Variants in ZNF675 observed in about 807,000 individuals in gnomAD.
ZNF675 encodes zinc finger protein 675.
ZNF675 carries 36 observed loss-of-function variants against 56.1 expected under a neutral mutation model. The observed-to-expected ratio is 0.64, with a 90% CI of 0.49 to 0.85. The LOEUF is 0.85. Among genes scored for constraint, ZNF675 ranks in the 40% least tolerant of loss-of-function variants. ZNF675 has a pLI of 0.00. For missense variants in ZNF675, 663 were observed against 654.2 expected (o/e 1.01, Z -0.15); for synonymous variants, 200 against 218.9 (o/e 0.91, Z 0.76).
intron 3 of ZNF675, 110 bp from the exon 4 acceptor site, chr19:23,654,816 A>T: frequency 2.2e-6 from 2 of 900,946 alleles, no homozygotes. Context: ...ACCACAGGCC[A>T]TAATTAAGTG....
chr19:23,658,889 A>C (rs571272407), intron 3 of ZNF675, among the ~76,000 whole-genome samples: 6 of 4,578 alleles, frequency 1.3e-3, no homozygotes, highest in East Asian at 0.029. Flanking sequence ...CTATAGATAT[A>C]GATCTATAGA....
chr19:23,674,351 T>G (rs1022489807), intron 1 of ZNF675, among the ~76,000 whole-genome samples: 2 of 151,408 alleles, frequency 1.3e-5, no homozygotes, highest in African/African-American at 4.9e-5. Flanking sequence ...CTTAAAGAAG[T>G]GAGAGATGGG....
rs1367142560 is a variant in ZNF675 at position 23,658,968 on chromosome 19, GATAT to G, written c.226+3142_226+3145del. Among the ~76,000 whole-genome samples the G allele has an allele frequency of 2.8e-4, 23 of 82,966 alleles. 1 individual carries two copies. The highest frequency in any genetic ancestry group is 3.7e-4 in the Admixed American group (3 of 8,036). 54.4% of individuals were successfully genotyped at this position (82,966 alleles called of 152,430 possible). A position where few individuals can be genotyped will look rare whatever the true frequency, so the allele number is the denominator to read the frequency against. The stretch of plus-strand genomic sequence containing the variant: ...ATAGATCTCTAGAGATCTATAGATA[GATAT>G]AGATCTAGAGATAGAGATCGAGATC... On this transcript the variant is annotated intron_variant, in intron 3 of 3. Coordinates refer to ENST00000359788, the MANE Select transcript of ZNF675 (RefSeq NM_138330.3).
In ZNF675 at chr19:23,653,606, T is replaced by C. The variant is rs1967939663; in HGVS notation, c.1327A>G (p.Lys443Glu). The C allele has an allele frequency of 6.2e-7, 1 of 1,612,964 alleles. No homozygotes were observed. Among genetic ancestry groups the C allele is most frequent in the Non-Finnish European group, 8.5e-7 (1 of 1,179,524 alleles). ...FNRSSKLTEH[K>E]KLHTGKKPYK... The stretch of plus-strand genomic sequence containing the variant: ...GGTTTCTTTCCAGTATGAAGTTTCT[T>C]ATGTTCAGTAAGTTTTGAGGATCGG... The change falls in exon 4 of 4, where the codon AAG (lysine) becomes GAG (glutamate). Residue 443 changes from lysine (K) to glutamate (E), a missense_variant. Lys to Glu is a moderately conservative substitution (Grantham distance 56). Around this residue, in one of 3 missense-constraint regions of ZNF675, gnomAD observed 617 missense variants for 590.5 expected, o/e 1.04. Transcript: ENST00000359788.
intron 3 of ZNF675, among the ~76,000 whole-genome samples, chr19:23,658,900 T>TCTATAAATATAG (rs1568289191): frequency 4.1e-5 from 1 of 24,166 alleles, no homozygotes; most frequent in African/African-American, 9.0e-5. Flanking sequence ...GATCTATAGA[T>TCTATAAATATAG]ATCTATAGAT....
chr19:23,655,146 A>G (rs1967966681), intron 3 of ZNF675: 1 of 152,880 alleles, frequency 6.5e-6, no homozygotes, highest in Admixed American at 6.5e-5. Context: ...CTAAGGCAGG[A>G]GAACTGCTTG....
At chr19:23,654,873 A>AG in intron 3 of ZNF675, 167 bp from the exon 4 acceptor site, 1 of 485,842 alleles carries the variant, frequency 2.1e-6, no homozygotes, top group Non-Finnish European at 3.5e-6. Context: ...ACATAGAAAA[A>AG]AAAAAAAAAT....
chr19:23,677,078 A>C (rs1442192600), intron 1 of ZNF675, among the ~76,000 whole-genome samples: 1 of 22,440 alleles, frequency 4.5e-5, no homozygotes, highest in Non-Finnish European at 1.2e-4. Context: ...CTGTCTCAGA[A>C]AAAAAAAAAA....
chr19:23,660,578 T>C (rs749333931), intron 3 of ZNF675, among the ~76,000 whole-genome samples: 2 of 151,958 alleles, frequency 1.3e-5, no homozygotes, highest in Non-Finnish European at 2.9e-5. Context: ...TCTGATAAAA[T>C]AGAGAAAAAA....
At chr19:23,675,025 C>G (rs1748782237) in intron 1 of ZNF675, among the ~76,000 whole-genome samples, 1 of 151,156 alleles carries the variant, frequency 6.6e-6, no homozygotes, top group Admixed American at 6.6e-5. Context: ...TAAATTTTCT[C>G]TTACAACAGC....
chr19:23,653,788 T>A lies in ZNF675; in HGVS notation c.1145A>T (p.Asn382Ile), dbSNP rs762578107. 11 of 1,613,806 alleles carry A rather than the reference T, an allele frequency of 6.8e-6. No homozygotes were observed. Among genetic ancestry groups the A allele is most frequent in the African/African-American group, 1.3e-5 (1 of 74,890 alleles). Reference sequence around the variant, plus strand: ...ATGAATTTTCCTATGTTCCGTAAGATTTGAGGATCGGTTAAAAGCTTTGCC... The same window carrying A: ...ATGAATTTTCCTATGTTCCGTAAGAATTGAGGATCGGTTAAAAGCTTTGCC... ...ECGKAFNRSSNLTEHRKIHTE... is the reference protein window; with the variant it reads ...ECGKAFNRSSILTEHRKIHTE... The change falls in exon 4 of 4, where the codon AAT becomes ATT. Residue 382 changes from asparagine (N) to isoleucine (I), a missense_variant. This residue lies in a region of ZNF675 where 617 missense variants were observed against 590.5 expected (regional missense o/e 1.04). Transcript: ENST00000359788.
At chr19:23,660,549 G>A (rs778304237) in intron 3 of ZNF675, among the ~76,000 whole-genome samples, 3 of 152,032 alleles carry the variant, frequency 2.0e-5, no homozygotes, top group Admixed American at 6.6e-5. Context: ...ACAAGTTAGG[G>A]TTCCATAAAC....
Position 23,662,209 on chromosome 19 carries a change from C to A in ZNF675, c.131G>T (p.Gly44Val), listed in dbSNP as rs1968087944. 6.2e-7 allele frequency: 1 copy of A among 1,604,006 alleles called. No homozygotes were observed. The highest frequency in any genetic ancestry group is 1.7e-5 in the Admixed American group (1 of 58,882). Residue 44 changes from glycine to valine, a missense_variant and splice_region_variant, in exon 3 of 4, where the codon GGT becomes GTT. Around this residue, in one of 3 missense-constraint regions of ZNF675, gnomAD observed 13 missense variants for 31.8 expected, o/e 0.41. Transcript: ENST00000359788. ...LENYRNLVFL[G>V]IAVSKQDLIT... ...CAGGTCTTGCTTAGAGACAGCAATA[C>A]CTGTTTTATTAAAAAATAAATAACA...
chr19:23,682,266 T>C (rs936543509), intron 1 of ZNF675, among the ~76,000 whole-genome samples: 2 of 151,772 alleles, frequency 1.3e-5, no homozygotes, highest in South Asian at 4.1e-4. Flanking sequence ...AAAACCTGAC[T>C]TTTTCACTCT....
chr19:23,655,167 G>A (rs1367944186), intron 3 of ZNF675: 2 of 151,468 alleles, frequency 1.3e-5, no homozygotes, highest in East Asian at 3.9e-4. Flanking sequence ...AACCTGGGAG[G>A]ATAAGGTTGC....
intron 1 of ZNF675, among the ~76,000 whole-genome samples, chr19:23,664,690 C>T (rs1043609131): frequency 8.5e-5 from 13 of 152,322 alleles, no homozygotes; most frequent in Admixed American, 4.6e-4. Context: ...GTGGCTCACA[C>T]CTGTAATCGC....
chr19:23,674,209 T>TAAAATAAAATAAAACA (rs1313686933), intron 1 of ZNF675, among the ~76,000 whole-genome samples: 1 of 151,442 alleles, frequency 6.6e-6, no homozygotes. Context: ...ATCTCACAAA[T>TAAAATAAAATAAAACA]AAAATAAAAT....
At chr19:23,673,420 C>A (rs1264397795) in intron 1 of ZNF675, among the ~76,000 whole-genome samples, 1 of 152,144 alleles carries the variant, frequency 6.6e-6, no homozygotes, top group Non-Finnish European at 1.5e-5. Flanking sequence ...TGATTGCTGC[C>A]CTGTGAAGTT....
At chr19:23,657,385 A>G (rs1968001692) in intron 3 of ZNF675, among the ~76,000 whole-genome samples, 1 of 152,214 alleles carries the variant, frequency 6.6e-6, no homozygotes. Context: ...CTCTCACACA[A>G]AAGAAATATA....
Sources: gnomAD v4.1 joint callset for allele counts (sites outside exome capture counted in the v4.1 genomes callset) on GRCh38, gnomAD v4.1.1 for gene constraint, gnomAD v4.1.1 regional missense constraint, MANE v1.5 for transcripts, NCBI Gene and HGNC (gene_info 2026-07-23, HGNC 2026-07-21) for gene names.